The following WWOX variants were observed in gnomAD, a reference collection of about 807,000 sequenced individuals.
WWOX encodes the protein WW domain containing oxidoreductase.
In WWOX, 69 loss-of-function variants were observed where a neutral mutation model predicts 46.2. That is an observed-to-expected ratio of 1.49 (90% CI 1.23 to 1.82). The LOEUF is 1.82. Ranked by LOEUF, WWOX falls within the 40% of genes most tolerant of loss-of-function variation. The pLI is 0.00. For missense variants in WWOX, 919 were observed against 542.6 expected, an observed-to-expected ratio of 1.69 and a Z score of -6.89; for synonymous variants, 359 against 202.6, an observed-to-expected ratio of 1.77 and a Z score of -6.56.
intron 8 of WWOX, among the ~76,000 whole-genome samples, chr16:78,436,728 A>G (rs141138777): frequency 1.3e-5 from 2 of 152,234 alleles, no homozygotes; most frequent in East Asian, 3.9e-4. Context: ...TATTTAGGAG[A>G]GGAATCACTG....
chr16:78,866,694 T>C lies in WWOX; in HGVS notation c.1057-344914T>C, dbSNP rs16948634. On this transcript the variant is annotated intron_variant, in intron 8 of 8. Coordinates refer to ENST00000566780, the MANE Select transcript of WWOX (RefSeq NM_016373.4). ...ACGTAGCCTGATTGTTCTAAGTAAATGGCAGAGCACGCAAATCAAGGACAT... is the reference window on the plus strand; with the variant it reads ...ACGTAGCCTGATTGTTCTAAGTAAACGGCAGAGCACGCAAATCAAGGACAT... Among the ~76,000 whole-genome samples the C allele has an allele frequency of 8.5e-3, 1,298 of 152,298 alleles. 23 individuals carry two copies. The highest frequency in any genetic ancestry group is 0.03 in the African/African-American group (1,240 of 41,554).
At chr16:79,164,348 A>G (rs996384804) in intron 8 of WWOX, among the ~76,000 whole-genome samples, 2 of 152,122 alleles carry the variant, frequency 1.3e-5, no homozygotes, top group Admixed American at 1.3e-4. Context: ...GATTGCTTTT[A>G]GATTGCCACT....
At chr16:79,048,209 C>T (rs372456368) in intron 8 of WWOX, among the ~76,000 whole-genome samples, 1 of 152,094 alleles carries the variant, frequency 6.6e-6, no homozygotes, top group African/African-American at 2.4e-5. Context: ...GAAGGGCAGG[C>T]CAGGAGGGAG....
At chr16:78,809,854 A>G (rs1048953659) in intron 8 of WWOX, among the ~76,000 whole-genome samples, 8 of 152,088 alleles carry the variant, frequency 5.3e-5, no homozygotes, top group Admixed American at 1.3e-4. Flanking sequence ...ATGACCCTCT[A>G]TGGCAGATCA....
At chr16:78,889,147 C>T (rs183519959) in intron 8 of WWOX, among the ~76,000 whole-genome samples, 91 of 152,260 alleles carry the variant, frequency 6.0e-4, no homozygotes, top group African/African-American at 2.1e-3. Context: ...TTCAGGAATA[C>T]GGCTTAATAA....
chr16:79,203,191 G>C (rs528903110), intron 8 of WWOX: 1 of 152,286 alleles, frequency 6.6e-6, no homozygotes, highest in East Asian at 1.9e-4. Flanking sequence ...TGTAAAGGCA[G>C]TGCCTAAGCT....
At chr16:78,771,185 AC>A (rs2050055273) in intron 8 of WWOX, among the ~76,000 whole-genome samples, 1 of 152,184 alleles carries the variant, frequency 6.6e-6, no homozygotes, top group Admixed American at 6.5e-5. Flanking sequence ...ATAGTCTTGA[AC>A]ACAGAACTGA....
chr16:78,628,032 T>A (rs1302743713), intron 8 of WWOX, among the ~76,000 whole-genome samples: 2 of 152,176 alleles, frequency 1.3e-5, no homozygotes, highest in Non-Finnish European at 2.9e-5. Context: ...GTAAACTGTG[T>A]TTAACCCAAG....
intron 8 of WWOX, among the ~76,000 whole-genome samples, chr16:79,189,620 G>A (rs1240774084): frequency 6.6e-6 from 1 of 151,944 alleles, no homozygotes; most frequent in African/African-American, 2.4e-5. Flanking sequence ...ATATTTTTGA[G>A]GAATAATTAT....
chr16:79,038,413 C>A (rs150669509), intron 8 of WWOX, among the ~76,000 whole-genome samples: 1 of 151,848 alleles, frequency 6.6e-6, no homozygotes, highest in Non-Finnish European at 1.5e-5. Context: ...GAAAAAATTA[C>A]TAAGATATGT....
chr16:78,757,175 G>A (rs977191208), intron 8 of WWOX, among the ~76,000 whole-genome samples: 8 of 152,236 alleles, frequency 5.3e-5, no homozygotes, highest in African/African-American at 1.7e-4. Context: ...ATTCTTGTGC[G>A]AGATAATAAA....
chr16:78,368,720 G>C (rs2081595637), intron 5 of WWOX, among the ~76,000 whole-genome samples: 2 of 152,108 alleles, frequency 1.3e-5, no homozygotes, highest in Non-Finnish European at 2.9e-5. Flanking sequence ...TGCCTGGGTT[G>C]CTCTTTGCAA....
chr16:78,857,016 G>C (rs563071618), intron 8 of WWOX, among the ~76,000 whole-genome samples: 1 of 152,284 alleles, frequency 6.6e-6, no homozygotes, highest in African/African-American at 2.4e-5. Flanking sequence ...CTAAGTATTT[G>C]CATATACAAA....
At chr16:78,159,602 ACTTGGCTATTTGTATGTTTT>A (rs1567605130) in intron 4 of WWOX, among the ~76,000 whole-genome samples, 1 of 146,560 alleles carries the variant, frequency 6.8e-6, no homozygotes, top group East Asian at 2.0e-4. Flanking sequence ...CTTTTCATAC[ACTTGGCTATTTGTATGTTTT>A]CTTTGGAGAA....
chr16:78,302,404 G>T (rs1258270766), intron 5 of WWOX, among the ~76,000 whole-genome samples: 1 of 152,072 alleles, frequency 6.6e-6, no homozygotes, highest in South Asian at 2.1e-4. Flanking sequence ...GCCTTGTCTT[G>T]CCCCAGCCCA....
At chr16:78,453,177 ACTTTGG>A (rs2083733500) in intron 8 of WWOX, among the ~76,000 whole-genome samples, 1 of 152,146 alleles carries the variant, frequency 6.6e-6, no homozygotes, top group South Asian at 2.1e-4. Context: ...TAATCCTAGC[ACTTTGG>A]GAGGCTGAGG....
chr16:79,035,247 C>G (rs1460343218), intron 8 of WWOX, among the ~76,000 whole-genome samples: 1 of 152,214 alleles, frequency 6.6e-6, no homozygotes, highest in Non-Finnish European at 1.5e-5. Flanking sequence ...CACGTACCTT[C>G]CAGAATCATT....
At chr16:78,448,603 A>G (rs2083614809) in intron 8 of WWOX, among the ~76,000 whole-genome samples, 1 of 152,186 alleles carries the variant, frequency 6.6e-6, no homozygotes, top group Non-Finnish European at 1.5e-5. Context: ...TGGCCATGGA[A>G]TTGAGAAGCA....
At chr16:78,879,837 A>G (rs2044307037) in intron 8 of WWOX, among the ~76,000 whole-genome samples, 1 of 151,158 alleles carries the variant, frequency 6.6e-6, no homozygotes, top group South Asian at 2.1e-4. Context: ...AGATCATGTC[A>G]TTGTACTCCA....
Sources: allele counts gnomAD v4.1 joint callset (sites outside exome capture counted in the v4.1 genomes callset), GRCh38; gene constraint gnomAD v4.1.1; transcripts MANE v1.5; gene names NCBI Gene and HGNC (gene_info 2026-07-23, HGNC 2026-07-21).